LETM1: variants seen among roughly 807,000 people sequenced by gnomAD.
LETM1 encodes leucine zipper and EF-hand containing transmembrane protein 1, also known as mitochondrial proton/calcium exchanger protein.
Under a neutral mutation model 74.5 loss-of-function variants are expected in LETM1, and 50 were observed. That is an observed-to-expected ratio of 0.67 (90% CI 0.53 to 0.85). The LOEUF is 0.85. Among genes scored for constraint, LETM1 ranks in the 40% least tolerant of loss-of-function variants. LETM1 has a pLI of 0.00. For synonymous variants in LETM1, 446 were observed against 407.1 expected (o/e 1.10, Z -1.15); for missense variants, 824 against 967.8 (o/e 0.85, Z 1.97).
chr4:1,828,994 C>A (rs1416043402), intron 6 of LETM1, among the ~76,000 whole-genome samples: 9 of 96,188 alleles, frequency 9.4e-5, no homozygotes, highest in Admixed American at 3.7e-4. Flanking sequence ...GGGGGGCTGA[C>A]CCCCCCCCAC....
At chr4:1,840,449 T>C (rs1052011867) in intron 3 of LETM1, among the ~76,000 whole-genome samples, 2 of 151,898 alleles carry the variant, frequency 1.3e-5, no homozygotes, top group African/African-American at 4.8e-5. Context: ...GGGCAGATCA[T>C]GAGGTCAGGA....
At chr4:1,842,921 T>G (rs1464761862) in intron 2 of LETM1, 1 of 263,516 alleles carries the variant, frequency 3.8e-6, no homozygotes, top group Non-Finnish European at 7.8e-6. Flanking sequence ...CCATTCAGCC[T>G]CACGATCTCC....
chr4:1,814,664 T>A, intron 13 of LETM1, 91 bp from the exon 14 acceptor site: 2 of 1,129,524 alleles, frequency 1.8e-6, no homozygotes, highest in Non-Finnish European at 2.6e-6. Flanking sequence ...TCGCCCCAGC[T>A]GGGGTGGCAG....
intron 11 of LETM1, among the ~76,000 whole-genome samples, chr4:1,818,591 C>T (rs920838381): frequency 2.0e-5 from 3 of 150,572 alleles, no homozygotes; most frequent in Admixed American, 6.6e-5. Flanking sequence ...CCAGCCTGGG[C>T]GACAGAGCTA....
intron 4 of LETM1, among the ~76,000 whole-genome samples, chr4:1,835,464 A>AAAAC (rs752100559): frequency 6.9e-4 from 104 of 149,676 alleles, no homozygotes; most frequent in Non-Finnish European, 1.2e-3. Flanking sequence ...AAACAAAACA[A>AAAAC]AAACAAACAA....
At position 1,856,063 on chromosome 4, in the gene LETM1, C is replaced by G. The variant is rs1275929631; in HGVS notation, c.-113G>C. On this transcript the variant is annotated 5_prime_UTR_variant, in exon 1 of 14. Coordinates refer to ENST00000302787, the MANE Select transcript of LETM1 (RefSeq NM_012318.3). The stretch of plus-strand genomic sequence containing the variant: ...AGACCCGGCCCGCGCGGACGGCTGA[C>G]AGAGGCGGCTGGCCTCGGACGGGAG... 5 of 606,560 alleles carry G rather than the reference C, an allele frequency of 8.2e-6. No homozygotes were observed. Among genetic ancestry groups the G allele is most frequent in the Non-Finnish European group, 7.0e-6 (3 of 430,282 alleles). 37.6% of individuals were successfully genotyped at this position (606,560 alleles called of 1,614,324 possible).
chr4:1,851,965 G>C (rs1417671387), intron 1 of LETM1, among the ~76,000 whole-genome samples: 1 of 152,232 alleles, frequency 6.6e-6, no homozygotes, highest in Non-Finnish European at 1.5e-5. Flanking sequence ...AGGCCGTTCG[G>C]GGTGATGGGG....
chr4:1,815,617 T>G, intron 13 of LETM1, 47 bp downstream of exon 13: 1 of 1,607,858 alleles, frequency 6.2e-7, no homozygotes, highest in Non-Finnish European at 8.5e-7. Context: ...CCCACCCCAC[T>G]CCAGAGCAGG....
chr4:1,850,686 C>T (rs1713040404), intron 1 of LETM1, among the ~76,000 whole-genome samples: 1 of 150,992 alleles, frequency 6.6e-6, no homozygotes, highest in Non-Finnish European at 1.5e-5. Context: ...AACCACAGGC[C>T]GGGCATGGTG....
chr4:1,838,863 G>A (rs1712580626), intron 3 of LETM1, among the ~76,000 whole-genome samples: 1 of 152,086 alleles, frequency 6.6e-6, no homozygotes. Flanking sequence ...GTGTCCCATG[G>A]CTCTCACAGA....
intron 1 of LETM1, among the ~76,000 whole-genome samples, 178 bp downstream of exon 1, chr4:1,855,691 G>A (rs1379515512): frequency 6.6e-6 from 1 of 152,158 alleles, no homozygotes; most frequent in East Asian, 1.9e-4. Flanking sequence ...GGCTCCGCCC[G>A]GCGCTGGCGG....
intron 10 of LETM1, 55 bp from the exon 11 acceptor site, chr4:1,819,527 G>A: frequency 6.4e-7 from 1 of 1,560,492 alleles, no homozygotes; most frequent in African/African-American, 1.4e-5. Context: ...GAACTGGCCT[G>A]TTCCCAAGTG....
At chr4:1,819,195 T>TATTTATAA in intron 11 of LETM1, 143 bp downstream of exon 11, 1 of 799,338 alleles carries the variant, frequency 1.3e-6, no homozygotes, top group Non-Finnish European at 1.9e-6. Context: ...GAATAAGGTT[T>TATTTATAA]ATTTATAACG....
chr4:1,822,778 A>G, intron 9 of LETM1: 1 of 420,012 alleles, frequency 2.4e-6, no homozygotes, highest in Non-Finnish European at 4.0e-6. Context: ...TCCCATGAGC[A>G]CCACTGTGGC....
Position 1,836,624 on chromosome 4 carries a change from G to A in LETM1, c.595-52C>T. On this transcript the variant is annotated intron_variant, in intron 3 of 13. Transcript: ENST00000302787. The surrounding 1 kb of genome is among the most constrained non-coding windows in gnomAD (Gnocchi z 5.8). ...GGAGCAGAGCACATGTGGGAACAAG[G>A]GCAAGGGGTGTGAGCATTTCTCCTA... The A allele has an allele frequency of 6.3e-7, 1 of 1,594,590 alleles. No homozygotes were observed. The highest frequency in any genetic ancestry group is 8.6e-7 in the Non-Finnish European group (1 of 1,165,258).
chr4:1,854,038 C>T (rs565211935), intron 1 of LETM1, among the ~76,000 whole-genome samples: 1 of 152,228 alleles, frequency 6.6e-6, no homozygotes, highest in African/African-American at 2.4e-5. Context: ...CTTTTATCAC[C>T]ATCAAGAGGT....
At chr4:1,828,938 G>A (rs1712141475) in intron 6 of LETM1, among the ~76,000 whole-genome samples, 1 of 113,320 alleles carries the variant, frequency 8.8e-6, no homozygotes, top group Admixed American at 7.8e-5. Flanking sequence ...AGGGGTGGCC[G>A]GGCAGAGGCG....
intron 6 of LETM1, among the ~76,000 whole-genome samples, chr4:1,826,418 G>T (rs1469476752): frequency 2.0e-5 from 3 of 152,246 alleles, no homozygotes; most frequent in Non-Finnish European, 1.5e-5. Context: ...CCATGCATCA[G>T]ATGCCTCCCC....
rs780509928 is a variant in LETM1, at chr4:1,814,400, G to C, written c.*24C>G. On this transcript the variant is annotated 3_prime_UTR_variant, in exon 14 of 14. Transcript: ENST00000302787. ...TTGCCAGGGTGACGGCACAGCAGGA[G>C]GACAGGTGCCCAGGCCAGTGGTTCT... 5.0e-6 allele frequency: 8 copies of C among 1,613,998 alleles called. No individual in the cohort carries two copies. In the African/African-American group the frequency reaches 1.1e-4, roughly 22 times the overall value.
Sources: gnomAD v4.1 joint callset for allele counts (sites outside exome capture counted in the v4.1 genomes callset) on GRCh38, gnomAD v4.1.1 for gene constraint, Gnocchi (gnomAD v3.1) non-coding constraint, MANE v1.5 for transcripts, NCBI Gene and HGNC (gene_info 2026-07-23, HGNC 2026-07-21) for gene names.